The following OR14J1 variants were observed in gnomAD, a reference collection of about 807,000 sequenced individuals.
The protein encoded by OR14J1 is olfactory receptor family 14 subfamily J member 1, also known as olfactory receptor 14J1.
For synonymous variants in OR14J1, 140 were observed against 146.7 expected, an observed-to-expected ratio of 0.95 and a Z score of 0.33; for missense variants, 378 against 393.4, an observed-to-expected ratio of 0.96 and a Z score of 0.33.
rs1775222208 is a variant in OR14J1 at position 29,307,777 on chromosome 6, T to C, written c.*122T>C. 3.4e-6 allele frequency: 2 copies of C among 582,890 alleles called. No individual in the cohort carries two copies. Among genetic ancestry groups the C allele is most frequent in the Non-Finnish European group, 5.9e-6 (2 of 339,422 alleles). 36.1% of individuals were successfully genotyped at this position (582,890 alleles called of 1,614,324 possible). On this transcript the variant is annotated 3_prime_UTR_variant, in exon 2 of 2. Transcript: ENST00000641895. ...TATATATTCCTCTCAAATATAATTC[T>C]TTAAAATTTAAGATGTTGTGCTCTA...
intron 1 of OR14J1, among the ~76,000 whole-genome samples, chr6:29,303,731 T>TATCTATCTATCATCTATCTATC (rs1554297280): frequency 1.7e-3 from 247 of 146,876 alleles, no homozygotes; most frequent in South Asian, 0.014. Context: ...TCTATCTATC[T>TATCTATCTATCATCTATCTATC]ATCATCTATC....
Position 29,308,517 on chromosome 6 carries a change from G to A in OR14J1, c.*862G>A, listed in dbSNP as rs898287762. On this transcript the variant is annotated 3_prime_UTR_variant, in exon 2 of 2. Coordinates refer to ENST00000641895, the MANE Select transcript of OR14J1 (RefSeq NM_030946.2). Reference sequence around the variant, plus strand: ...TGACAAATTGGTTTTACAGAGTTAGGCAGGGGATGCTCCCTAGTTCCATGA... The same window carrying A: ...TGACAAATTGGTTTTACAGAGTTAGACAGGGGATGCTCCCTAGTTCCATGA... 1.3e-5 allele frequency: 2 copies of A among 152,130 alleles called. No individual in the cohort carries two copies. Among genetic ancestry groups the A allele is most frequent in the East Asian group, 3.8e-4 (2 of 5,196 alleles). The allele number at this position is 152,130 out of a possible 1,614,324, so 9.4% of individuals were successfully genotyped here.
chr6:29,305,960 T>C lies in OR14J1; in HGVS notation c.-28-702T>C, dbSNP rs572806501. ...TTGATTGAAAATGTCCAACCCCAAGTTGTCATAAGAATTTTGAGAATTAAA... is the reference window on the plus strand; with the variant it reads ...TTGATTGAAAATGTCCAACCCCAAGCTGTCATAAGAATTTTGAGAATTAAA... On this transcript the variant is annotated intron_variant, in intron 1 of 1. Transcript: ENST00000641895. Among the ~76,000 whole-genome samples the C allele has an allele frequency of 8.5e-4, 129 of 152,298 alleles. No homozygotes were observed. The South Asian group carries it at 0.01, about 12-fold the overall frequency.
At chr6:29,306,626 G>A (rs933935258) in intron 1 of OR14J1, 36 bp from the exon 2 acceptor site, 3 of 927,178 alleles carry the variant, frequency 3.2e-6, no homozygotes, top group Non-Finnish European at 3.4e-6. Flanking sequence ...TAGATGTCAT[G>A]CATTTTCTTC....
At position 29,307,128 on chromosome 6, in the gene OR14J1, T is replaced by G. The variant is rs1256470078; in HGVS notation, c.439T>G (p.Trp147Gly). 6.2e-7 allele frequency: 1 copy of G among 1,613,070 alleles called. No homozygotes were observed. Among genetic ancestry groups the G allele is most frequent in the Non-Finnish European group, 8.5e-7 (1 of 1,180,024 alleles). Residue 147 changes from tryptophan (W) to glycine (G), a missense_variant, in exon 2 of 2, where the codon TGG (tryptophan) becomes GGG (glycine). Transcript: ENST00000641895. ...RACRHAVIAV[W>G]IAGGLSGLMH... ...CTGTAGGCATGCAGTGATAGCTGTGTGGATTGCTGGGGGCCTCTCTGGGCT... is the reference window on the plus strand; with the variant it reads ...CTGTAGGCATGCAGTGATAGCTGTGGGGATTGCTGGGGGCCTCTCTGGGCT...
At chr6:29,302,180 T>TTTTTTTTTTTTTTTTTTTTG (rs1774758410) in intron 1 of OR14J1, among the ~76,000 whole-genome samples, 2 of 123,834 alleles carry the variant, frequency 1.6e-5, no homozygotes, top group Non-Finnish European at 3.4e-5. Context: ...TTTTTTTTTC[T>TTTTTTTTTTTTTTTTTTTTG]TTTTTTTTTT....
intron 1 of OR14J1, 149 bp downstream of exon 1, chr6:29,301,936 C>T (rs1774725308): frequency 6.6e-6 from 1 of 152,006 alleles, no homozygotes; most frequent in Non-Finnish European, 1.5e-5. Context: ...TTTAAATAAG[C>T]TGCGATATCT....
chr6:29,303,223 T>A (rs1774830417), intron 1 of OR14J1, among the ~76,000 whole-genome samples: 1 of 152,196 alleles, frequency 6.6e-6, no homozygotes, highest in Non-Finnish European at 1.5e-5. Context: ...TAAACAAAAG[T>A]ACAGAAAGAA....
At position 29,309,207 on chromosome 6, in the gene OR14J1, C is replaced by CT. The variant is rs1310768977; in HGVS notation, c.*1558dup. 2 of 152,062 alleles carry CT rather than the reference C, an allele frequency of 1.3e-5. No homozygotes were observed. Among genetic ancestry groups the CT allele is most frequent in the Non-Finnish European group, 2.9e-5 (2 of 68,052 alleles). The allele number at this position is 152,062 out of a possible 1,614,324, so 9.4% of individuals were successfully genotyped here. On this transcript the variant is annotated 3_prime_UTR_variant, in exon 2 of 2. Coordinates refer to ENST00000641895, the MANE Select transcript of OR14J1 (RefSeq NM_030946.2). ...GTCCCTGCAAAGGACATGAAATCAT[C>CT]TTTTTTATGGCTGCATAGTATTCCA...
chr6:29,305,841 A>G (rs550371452), intron 1 of OR14J1, among the ~76,000 whole-genome samples: 2 of 152,188 alleles, frequency 1.3e-5, no homozygotes, highest in African/African-American at 4.8e-5. Context: ...GGAACTCACA[A>G]TGAGACACAG....
At position 29,309,156 on chromosome 6, in the gene OR14J1, G is replaced by A. The variant is rs1395915748; in HGVS notation, c.*1501G>A. 1 of 152,232 alleles carries A rather than the reference G, an allele frequency of 6.6e-6. No individual in the cohort carries two copies. 9.4% of individuals were successfully genotyped at this position (152,232 alleles called of 1,614,324 possible). On this transcript the variant is annotated 3_prime_UTR_variant, in exon 2 of 2. Coordinates refer to ENST00000641895, the MANE Select transcript of OR14J1 (RefSeq NM_030946.2). ...TTATGTTCTTGTGTTAGTTTGCTGA[G>A]AATGATGGTTTCCAGCTTCATCCAT...
chr6:29,305,703 CT>C (rs1241201379), intron 1 of OR14J1, among the ~76,000 whole-genome samples: 1 of 151,778 alleles, frequency 6.6e-6, no homozygotes, highest in Non-Finnish European at 1.5e-5. Flanking sequence ...TCATTTAATC[CT>C]CCTAACAATT....
chr6:29,305,338 T>C (rs1383058025), intron 1 of OR14J1, among the ~76,000 whole-genome samples: 1 of 152,240 alleles, frequency 6.6e-6, no homozygotes, highest in African/African-American at 2.4e-5. Context: ...TCAGATGCAG[T>C]TACTTCAAAA....
chr6:29,308,874 T>A lies in OR14J1; in HGVS notation c.*1219T>A, dbSNP rs541762632. ...TTTTCTTTAATCTGCCACATGAGAT[T>A]TTTTCTTTTTTTTATATACTTTAAG... On this transcript the variant is annotated 3_prime_UTR_variant, in exon 2 of 2. Transcript: ENST00000641895. The A allele has an allele frequency of 6.6e-6, 1 of 152,074 alleles. No homozygotes were observed. Among genetic ancestry groups the A allele is most frequent in the Non-Finnish European group, 1.5e-5 (1 of 67,918 alleles). 9.4% of individuals were successfully genotyped at this position (152,074 alleles called of 1,614,324 possible).
In OR14J1 at chr6:29,306,993, T is replaced by G; in HGVS notation, c.304T>G (p.Phe102Val). Reference protein sequence around the residue: ...LVQCILQVFFFIALASSEVAI... With the variant: ...LVQCILQVFFVIALASSEVAI... ...TCAGTGCATTCTTCAGGTTTTCTTC[T>G]TCATAGCTCTGGCCTCATCAGAAGT... The change falls in exon 2 of 2, where the codon TTC (phenylalanine) becomes GTC (valine). Residue 102 changes from phenylalanine (F) to valine (V), a missense_variant. Phe to Val is a conservative substitution (Grantham distance 50, BLOSUM62 -1). Transcript: ENST00000641895. 6.2e-7 allele frequency: 1 copy of G among 1,613,120 alleles called. No homozygotes were observed. Among genetic ancestry groups the G allele is most frequent in the Non-Finnish European group, 8.5e-7 (1 of 1,180,042 alleles).
intron 1 of OR14J1, among the ~76,000 whole-genome samples, chr6:29,305,202 T>A (rs1022014100): frequency 6.6e-6 from 1 of 152,058 alleles, no homozygotes; most frequent in African/African-American, 2.4e-5. Context: ...AAAAAAAAAA[T>A]TTCCTAAAAA....
chr6:29,302,024 A>G (rs1046536523), intron 1 of OR14J1, among the ~76,000 whole-genome samples: 4 of 152,126 alleles, frequency 2.6e-5, no homozygotes, highest in Non-Finnish European at 5.9e-5. Flanking sequence ...GGAATCTTAA[A>G]TGAATGCAAT....
At position 29,308,392 on chromosome 6, in the gene OR14J1, C is replaced by T. The variant is rs538175131; in HGVS notation, c.*737C>T. ...TATAATCTATAAATATAAGCATATA[C>T]TACTATAATCTATTAATAAAATTGT... On this transcript the variant is annotated 3_prime_UTR_variant, in exon 2 of 2. Transcript: ENST00000641895. 3.9e-5 allele frequency: 6 copies of T among 152,192 alleles called. No individual in the cohort carries two copies. 9.4% of individuals were successfully genotyped at this position (152,192 alleles called of 1,614,324 possible).
At position 29,311,796 on chromosome 6, in the gene OR14J1, T is replaced by A. The variant is rs957797191; in HGVS notation, c.*4141T>A. ...ACTACCTCCATTTCAGAACATGTTA[T>A]TGGTCTATTCAGGCATTAGACTTCT... On this transcript the variant is annotated 3_prime_UTR_variant, in exon 2 of 2. Coordinates refer to ENST00000641895, the MANE Select transcript of OR14J1 (RefSeq NM_030946.2). The A allele has an allele frequency of 1.3e-5, 2 of 152,220 alleles. No homozygotes were observed. The highest frequency in any genetic ancestry group is 6.5e-5 in the Admixed American group (1 of 15,280). The allele number at this position is 152,220 out of a possible 1,614,324, so 9.4% of individuals were successfully genotyped here.
Sources: gnomAD v4.1 joint callset for allele counts (sites outside exome capture counted in the v4.1 genomes callset) on GRCh38, gnomAD v4.1.1 for gene constraint, MANE v1.5 for transcripts, NCBI Gene and HGNC (gene_info 2026-07-23, HGNC 2026-07-21) for gene names.